MFN1: variants seen among roughly 807,000 people sequenced by gnomAD.
The protein encoded by MFN1 is mitofusin 1.
A neutral mutation model predicts 92.4 loss-of-function variants in MFN1; 65 were observed. The observed-to-expected ratio is 0.70, with a 90% CI of 0.58 to 0.86. The LOEUF (loss-of-function observed/expected upper bound fraction) is 0.86. Among genes scored for constraint, MFN1 ranks in the 40% least tolerant of loss-of-function variants. MFN1 has a pLI of 0.00. For synonymous variants in MFN1, 297 were observed against 300.9 expected (o/e 0.99, Z 0.13); for missense variants, 781 against 868.0 (o/e 0.90, Z 1.26).
intron 14 of MFN1, among the ~76,000 whole-genome samples, chr3:179,384,900 CTTTTTTTTTT>C (rs35563595): frequency 1.2e-5 from 1 of 84,632 alleles, no homozygotes; most frequent in Non-Finnish European, 2.2e-5. Flanking sequence ...TTTTGAAGTC[CTTTTTTTTTT>C]TTTTTTTTTT....
chr3:179,386,909 G>C (rs754259461), intron 16 of MFN1, among the ~76,000 whole-genome samples: 2 of 151,940 alleles, frequency 1.3e-5, no homozygotes, highest in Non-Finnish European at 2.9e-5. Context: ...GGTTTAAAAA[G>C]ATAGTTCTTA....
intron 16 of MFN1, among the ~76,000 whole-genome samples, chr3:179,389,078 CTG>C (rs1202644518): frequency 6.6e-6 from 1 of 152,172 alleles, no homozygotes; most frequent in East Asian, 1.9e-4. Flanking sequence ...AAATCAAAGT[CTG>C]AACTAACAGT....
At position 179,362,369 on chromosome 3, in the gene MFN1, A is replaced by G. The variant is rs149335403; in HGVS notation, c.423A>G (p.Gln141=). Residue 141 remains glutamine (Q), a synonymous_variant, in exon 5 of 18, where the codon CAA becomes CAG. Coordinates refer to ENST00000471841, the MANE Select transcript of MFN1 (RefSeq NM_033540.3). ...DEKKSVKTVN[Q]LAHALHMDKD... ...TCCTCCTGCTTTAGACAGTTAATCAACTGGCCCATGCCCTTCACATGGACA... is the reference window on the plus strand; with the variant it reads ...TCCTCCTGCTTTAGACAGTTAATCAGCTGGCCCATGCCCTTCACATGGACA... The G allele has an allele frequency of 7.6e-5, 122 of 1,608,630 alleles. No homozygotes were observed. In the African/African-American group the frequency reaches 1.2e-3, roughly 16 times the overall value.
intron 9 of MFN1, among the ~76,000 whole-genome samples, chr3:179,371,218 A>G (rs534078042): frequency 2.0e-5 from 3 of 152,352 alleles, no homozygotes; most frequent in South Asian, 2.1e-4. Context: ...AAAAAAATCA[A>G]TATTAGCCTG....
intron 14 of MFN1, among the ~76,000 whole-genome samples, chr3:179,380,637 A>G (rs910630149): frequency 4.6e-5 from 7 of 152,206 alleles, no homozygotes; most frequent in East Asian, 1.9e-4. Context: ...AAAGTGTTTC[A>G]TTATTTCAAC....
At chr3:179,366,926 C>T (rs1408707731) in intron 7 of MFN1, among the ~76,000 whole-genome samples, 1 of 152,094 alleles carries the variant, frequency 6.6e-6, no homozygotes, top group Non-Finnish European at 1.5e-5. Flanking sequence ...CTTAACTCCC[C>T]AACCTTAACT....
Position 179,359,065 on chromosome 3 carries a change from ATAACATTTT to A in MFN1, c.411+66_411+74del, listed in dbSNP as rs1712459860. Reference sequence around the variant, plus strand: ...AACAATGTCCTGAACTTATTCTTTAATAACATTTTTATAAGATGTCTGCATCGCTGACAT... The same window carrying A: ...AACAATGTCCTGAACTTATTCTTTAATATAAGATGTCTGCATCGCTGACAT... On this transcript the variant is annotated intron_variant, in intron 4 of 17. Coordinates refer to ENST00000471841, the MANE Select transcript of MFN1 (RefSeq NM_033540.3). 1.2e-5 allele frequency: 18 copies of A among 1,442,644 alleles called. No homozygotes were observed. The South Asian group carries it at 2.9e-4, about 23-fold the overall frequency. 89.4% of individuals were successfully genotyped at this position (1,442,644 alleles called of 1,614,324 possible). A position where few individuals can be genotyped will look rare whatever the true frequency, so the allele number is the denominator to read the frequency against.
intron 9 of MFN1, among the ~76,000 whole-genome samples, chr3:179,368,451 A>G (rs1712891303): frequency 6.6e-6 from 1 of 151,984 alleles, no homozygotes; most frequent in Non-Finnish European, 1.5e-5. Context: ...TGGAATGGAT[A>G]ATAGAGCAAA....
At position 179,386,445 on chromosome 3, in the gene MFN1, A is replaced by G. The variant is rs761015460; in HGVS notation, c.1828A>G (p.Ile610Val). ...IIVGGVIWKTIGWKLLSVSLT... is the reference protein window; with the variant it reads ...IIVGGVIWKTVGWKLLSVSLT... ...CTTTATCTTACAGATTTGGAAAACTATAGGCTGGAAACTCCTATCTGTTTC... is the reference window on the plus strand; with the variant it reads ...CTTTATCTTACAGATTTGGAAAACTGTAGGCTGGAAACTCCTATCTGTTTC... Residue 610 changes from isoleucine to valine, a missense_variant, in exon 16 of 18, where the codon ATA (isoleucine) becomes GTA (valine). By Grantham distance (29) the Ile-to-Val change is conservative. Coordinates refer to ENST00000471841, the MANE Select transcript of MFN1 (RefSeq NM_033540.3). 1.2e-5 allele frequency: 20 copies of G among 1,612,266 alleles called. No homozygotes were observed. Among genetic ancestry groups the G allele is most frequent in the African/African-American group, 2.7e-5 (2 of 74,768 alleles).
intron 14 of MFN1, among the ~76,000 whole-genome samples, chr3:179,384,406 T>C (rs1015707234): frequency 6.6e-6 from 1 of 152,164 alleles, no homozygotes; most frequent in Non-Finnish European, 1.5e-5. Flanking sequence ...ACCAATGATT[T>C]TAAACATCTT....
chr3:179,371,247 C>T (rs1051138882), intron 9 of MFN1, among the ~76,000 whole-genome samples: 4 of 152,000 alleles, frequency 2.6e-5, no homozygotes, highest in African/African-American at 9.7e-5. Flanking sequence ...TGGCTCATGC[C>T]AGTAATGCCA....
chr3:179,357,815 C>T (rs1026064960), intron 3 of MFN1, among the ~76,000 whole-genome samples: 26 of 152,106 alleles, frequency 1.7e-4, no homozygotes, highest in Admixed American at 6.6e-4. Context: ...TAGGGCACAG[C>T]GGGGATGTCT....
intron 6 of MFN1, 47 bp downstream of exon 6, chr3:179,364,452 G>A: frequency 2.9e-6 from 4 of 1,384,220 alleles, no homozygotes; most frequent in Non-Finnish European, 4.1e-6. Flanking sequence ...GAAATGAAAT[G>A]GTATCTGTTT....
chr3:179,364,209 T>C, intron 5 of MFN1, 88 bp from the exon 6 acceptor site: 1 of 822,640 alleles, frequency 1.2e-6, no homozygotes, highest in Non-Finnish European at 1.8e-6. Context: ...TTTTTAAACT[T>C]CAAATTATAT....
intron 9 of MFN1, among the ~76,000 whole-genome samples, chr3:179,371,216 C>T (rs568529810): frequency 6.6e-5 from 10 of 152,150 alleles, no homozygotes; most frequent in African/African-American, 2.4e-4. Flanking sequence ...TAAAAAAAAT[C>T]AATATTAGCC....
intron 14 of MFN1, among the ~76,000 whole-genome samples, chr3:179,379,168 A>G (rs1713371170): frequency 6.6e-6 from 1 of 152,194 alleles, no homozygotes; most frequent in Middle Eastern, 3.4e-3. Flanking sequence ...CGTATGCCCA[A>G]ATTCCCCCAC....
In MFN1 at chr3:179,393,191, G is replaced by C. The variant is rs1007546386; in HGVS notation, c.*1132G>C. The C allele has an allele frequency of 6.6e-6, 1 of 151,962 alleles. No homozygotes were observed. The highest frequency in any genetic ancestry group is 2.1e-4 in the South Asian group (1 of 4,820). The allele number at this position is 151,962 out of a possible 1,614,324, so 9.4% of individuals were successfully genotyped here. On this transcript the variant is annotated 3_prime_UTR_variant, in exon 18 of 18. Transcript: ENST00000471841. Reference sequence around the variant, plus strand: ...ATGCCTCACCAGTTTCCTCTTTAATGAATCAAATAAAATCTTTAACTGATG... The same window carrying C: ...ATGCCTCACCAGTTTCCTCTTTAATCAATCAAATAAAATCTTTAACTGATG...
rs1426870201 is a variant in MFN1 at position 179,364,280 on chromosome 3, T to G, written c.537-17T>G. On this transcript the variant is annotated splice_polypyrimidine_tract_variant and intron_variant, in intron 5 of 17. Transcript: ENST00000471841. ...TTTTTAAGAAATATAATACAATTTT[T>G]ATTTCACTCTCATTAGTCCAGGCAC... is the stretch of plus-strand genomic sequence containing the variant. The G allele has an allele frequency of 6.5e-7, 1 of 1,540,782 alleles. No homozygotes were observed.
At chr3:179,384,392 A>G (rs1037719543) in intron 14 of MFN1, among the ~76,000 whole-genome samples, 1 of 152,080 alleles carries the variant, frequency 6.6e-6, no homozygotes, top group East Asian at 1.9e-4. Context: ...GCATTTCCCT[A>G]ATGACCAATG....
Sources: allele counts gnomAD v4.1 joint callset (sites outside exome capture counted in the v4.1 genomes callset), GRCh38; gene constraint gnomAD v4.1.1; transcripts MANE v1.5; gene names NCBI Gene and HGNC (gene_info 2026-07-23, HGNC 2026-07-21).